GPA33: variants seen among roughly 807,000 people sequenced by gnomAD.
GPA33 encodes the protein glycoprotein A33.
GPA33 carries 27 observed loss-of-function variants against 35.6 expected under a neutral mutation model. That is an observed-to-expected ratio of 0.76 (90% CI 0.56 to 1.04). The LOEUF (loss-of-function observed/expected upper bound fraction) is 1.04, where lower values mean the gene tolerates loss of function less well. GPA33 is among the 50% of genes least tolerant of loss of function. The pLI, the probability that GPA33 is intolerant of heterozygous loss-of-function variation, is 0.00. For synonymous variants in GPA33, 176 were observed against 164.0 expected (o/e 1.07, Z -0.56); for missense variants, 428 against 411.9 (o/e 1.04, Z -0.34).
intron 1 of GPA33, among the ~76,000 whole-genome samples, chr1:167,079,302 G>A (rs1666880016): frequency 6.6e-6 from 1 of 152,070 alleles, no homozygotes; most frequent in Admixed American, 6.5e-5. Flanking sequence ...AGACCAGCCT[G>A]AGTAACAAGG....
At chr1:167,084,816 G>A (rs1325077668) in intron 1 of GPA33, among the ~76,000 whole-genome samples, 1 of 152,232 alleles carries the variant, frequency 6.6e-6, no homozygotes, top group African/African-American at 2.4e-5. Flanking sequence ...GCTAATTTAA[G>A]AGGAAAATAA....
intron 6 of GPA33, 86 bp downstream of exon 6, chr1:167,054,890 G>T: frequency 6.8e-7 from 1 of 1,466,766 alleles, no homozygotes; most frequent in Non-Finnish European, 9.4e-7. Flanking sequence ...AAGGGGTGCT[G>T]CAAGTAGAAG....
At chr1:167,086,551 C>A (rs997417342) in intron 1 of GPA33, among the ~76,000 whole-genome samples, 3 of 152,220 alleles carry the variant, frequency 2.0e-5, no homozygotes, top group African/African-American at 4.8e-5. Flanking sequence ...ACGAACATGG[C>A]ACTTCAGAGC....
At chr1:167,059,765 A>T (rs552354991) in intron 4 of GPA33, among the ~76,000 whole-genome samples, 12 of 152,278 alleles carry the variant, frequency 7.9e-5, no homozygotes, top group African/African-American at 2.9e-4. Flanking sequence ...GGGGAATCCC[A>T]GTTTTTTTCA....
At chr1:167,086,062 G>GTT (rs1667041187) in intron 1 of GPA33, among the ~76,000 whole-genome samples, 2 of 152,168 alleles carry the variant, frequency 1.3e-5, no homozygotes, top group Non-Finnish European at 2.9e-5. Flanking sequence ...TTCTTAGACC[G>GTT]ACCATTCATA....
At chr1:167,074,626 C>T (rs1381086191) in intron 1 of GPA33, among the ~76,000 whole-genome samples, 1 of 152,082 alleles carries the variant, frequency 6.6e-6, no homozygotes, top group Admixed American at 6.5e-5. Flanking sequence ...CACAGAGACC[C>T]ATGTGGATCC....
intron 1 of GPA33, among the ~76,000 whole-genome samples, chr1:167,076,319 A>G (rs1666822710): frequency 6.6e-6 from 1 of 152,070 alleles, no homozygotes; most frequent in Admixed American, 6.5e-5. Context: ...CGGGCTGTCT[A>G]CCCACTGTAA....
intron 1 of GPA33, among the ~76,000 whole-genome samples, chr1:167,075,682 A>G (rs1666809885): frequency 6.6e-6 from 1 of 152,306 alleles, no homozygotes; most frequent in Non-Finnish European, 1.5e-5. Context: ...TTTGGGAGTC[A>G]CCGGCTCTCC....
At chr1:167,064,279 T>G (rs1221368877) in intron 3 of GPA33, among the ~76,000 whole-genome samples, 4 of 150,782 alleles carry the variant, frequency 2.7e-5, no homozygotes, top group Non-Finnish European at 2.9e-5. Flanking sequence ...AGCAAAACTC[T>G]GTCTCAAAAA....
chr1:167,063,593 A>G lies in GPA33; in HGVS notation c.560T>C (p.Leu187Pro), dbSNP rs776755193. The stretch of plus-strand genomic sequence containing the variant: ...TACTGCCCCCTTACCTGGCTGGGCC[A>G]GGGGCTGCTCCTGATTCAGGATGTT... ...RYNILNQEQP[L>P]AQPASGQPVS... Residue 187 changes from leucine (L) to proline (P), a missense_variant, in exon 4 of 7, where the codon CTG becomes CCG. Physicochemically the swap from Leu to Pro is moderately conservative, Grantham distance 98. Transcript: ENST00000367868. 6 of 1,607,226 alleles carry G rather than the reference A, an allele frequency of 3.7e-6. No homozygotes were observed. The highest frequency in any genetic ancestry group is 5.1e-6 in the Non-Finnish European group (6 of 1,175,886).
chr1:167,083,762 T>C (rs1667000050), intron 1 of GPA33, among the ~76,000 whole-genome samples: 1 of 151,958 alleles, frequency 6.6e-6, no homozygotes, highest in Non-Finnish European at 1.5e-5. Context: ...AAGGGCATCA[T>C]GCAGAGGTCA....
At chr1:167,073,364 G>A in intron 2 of GPA33, 21 bp downstream of exon 2, 2 of 1,607,322 alleles carry the variant, frequency 1.2e-6, no homozygotes, top group Non-Finnish European at 1.7e-6. Flanking sequence ...CATGTTGCCT[G>A]AACTTGTAAA....
rs976192733 is a variant in GPA33 at position 167,053,341 on chromosome 1, C to T, written c.*993G>A. ...TCGTGTTTAACTCACTGAATGAATACGTGGGTTTGGGTGGGAATCATCCCT... is the reference window on the plus strand; with the variant it reads ...TCGTGTTTAACTCACTGAATGAATATGTGGGTTTGGGTGGGAATCATCCCT... On this transcript the variant is annotated 3_prime_UTR_variant, in exon 7 of 7. Transcript: ENST00000367868. The T allele has an allele frequency of 8.5e-5, 13 of 152,226 alleles. No homozygotes were observed. The highest frequency in any genetic ancestry group is 2.4e-4 in the African/African-American group (10 of 41,456). The allele number at this position is 152,226 out of a possible 1,614,324, so 9.4% of individuals were successfully genotyped here. A position where few individuals can be genotyped will look rare whatever the true frequency, so the allele number is the denominator to read the frequency against.
chr1:167,076,107 G>A (rs1263301810), intron 1 of GPA33, among the ~76,000 whole-genome samples: 1 of 152,186 alleles, frequency 6.6e-6, no homozygotes, highest in Non-Finnish European at 1.5e-5. Context: ...GACTGTAGCA[G>A]CTAAAGGAGG....
intron 1 of GPA33, among the ~76,000 whole-genome samples, chr1:167,079,521 A>G (rs1353823120): frequency 6.6e-6 from 1 of 151,808 alleles, no homozygotes; most frequent in Non-Finnish European, 1.5e-5. Flanking sequence ...GAAAACTTGC[A>G]CAAATGTGGA....
chr1:167,056,811 A>G (rs900106232), intron 4 of GPA33, among the ~76,000 whole-genome samples: 177 of 8,730 alleles, frequency 0.02, no homozygotes, highest in East Asian at 0.032. Flanking sequence ...TGTGGTGTGT[A>G]TGTGGCAGCG....
intron 4 of GPA33, among the ~76,000 whole-genome samples, chr1:167,062,097 A>C (rs1666465127): frequency 1.3e-5 from 2 of 152,072 alleles, no homozygotes; most frequent in Admixed American, 1.3e-4. Flanking sequence ...ACCTACACTG[A>C]ACTGAAAGAC....
At chr1:167,074,809 T>C (rs1666788707) in intron 1 of GPA33, among the ~76,000 whole-genome samples, 1 of 151,728 alleles carries the variant, frequency 6.6e-6, no homozygotes, top group African/African-American at 2.4e-5. Context: ...TCAGATTGCA[T>C]AGAGCAATGT....
intron 1 of GPA33, among the ~76,000 whole-genome samples, chr1:167,084,794 AC>A (rs1477582651): frequency 8.5e-5 from 13 of 152,202 alleles, no homozygotes; most frequent in Admixed American, 8.5e-4. Flanking sequence ...CCTGCCAAAC[AC>A]CATCCAAATT....
Sources: allele counts gnomAD v4.1 joint callset (sites outside exome capture counted in the v4.1 genomes callset), GRCh38; gene constraint gnomAD v4.1.1; transcripts MANE v1.5; gene names NCBI Gene and HGNC (gene_info 2026-07-23, HGNC 2026-07-21).